Variants in HCN1 observed in about 807,000 individuals in gnomAD.
HCN1 encodes the protein hyperpolarization activated cyclic nucleotide gated potassium channel 1.
Under a neutral mutation model 78.9 loss-of-function variants are expected in HCN1, and 13 were observed. The ratio of observed to expected loss-of-function variants is 0.16; its 90% confidence interval spans 0.11 to 0.26. HCN1 has a LOEUF of 0.26. Ranked by LOEUF, HCN1 falls within the 10% of genes least tolerant of loss-of-function variation. The pLI, the probability that HCN1 is intolerant of heterozygous loss-of-function variation, is 1.00. For synonymous variants in HCN1, 552 were observed against 455.5 expected, an observed-to-expected ratio of 1.21 and a Z score of -2.70; for missense variants, 810 against 1,154.3, an observed-to-expected ratio of 0.70 and a Z score of 4.32.
intron 6 of HCN1, 130 bp from the exon 7 acceptor site, chr5:45,267,383 A>G: frequency 1.4e-6 from 1 of 708,836 alleles, no homozygotes; most frequent in Non-Finnish European, 2.4e-6. Context: ...TTTCTATTAT[A>G]TCAGCAAATT....
At chr5:45,531,767 C>G in intron 2 of HCN1, among the ~76,000 whole-genome samples, 1 of 151,958 alleles carries the variant, frequency 6.6e-6, no homozygotes, top group East Asian at 1.9e-4. Flanking sequence ...AGGCTTGGCA[C>G]GGTGGCTCAC....
chr5:45,312,096 G>A (rs1010133256), intron 5 of HCN1, among the ~76,000 whole-genome samples: 4 of 152,146 alleles, frequency 2.6e-5, no homozygotes, highest in Non-Finnish European at 4.4e-5. Flanking sequence ...AGATGTTTCT[G>A]GGATCCACCT....
In HCN1 at chr5:45,299,894, A is replaced by T. The variant is rs192871765; in HGVS notation, c.1618+3705T>A. On this transcript the variant is annotated intron_variant, in intron 6 of 7. Coordinates refer to ENST00000303230, the MANE Select transcript of HCN1 (RefSeq NM_021072.4). ...AACAACAACATTATAGACCAATCTC[A>T]CTCATGGACAGAGATGACACACTAT... Among the ~76,000 whole-genome samples, 281 of 152,004 alleles carry T rather than the reference A, an allele frequency of 1.8e-3. 2 individuals carry two copies. The highest frequency in any genetic ancestry group is 6.6e-3 in the African/African-American group (272 of 41,514).
chr5:45,634,853 G>C (rs910436499), intron 2 of HCN1, among the ~76,000 whole-genome samples: 15 of 152,016 alleles, frequency 9.9e-5, no homozygotes, highest in Non-Finnish European at 1.3e-4. Context: ...ACTGAAAGGA[G>C]TTGTTCTGAA....
intron 1 of HCN1, among the ~76,000 whole-genome samples, chr5:45,674,376 G>A (rs568520536): frequency 9.2e-5 from 14 of 151,628 alleles, no homozygotes; most frequent in Non-Finnish European, 1.9e-4. Context: ...AATAAAAAGA[G>A]GAAAACATTC....
intron 2 of HCN1, among the ~76,000 whole-genome samples, chr5:45,463,857 G>A (rs537070201): frequency 2.3e-4 from 35 of 152,086 alleles, no homozygotes; most frequent in Middle Eastern, 3.4e-3. Flanking sequence ...GCGTTTTGTT[G>A]GGAAATAGTG....
intron 5 of HCN1, among the ~76,000 whole-genome samples, chr5:45,330,051 TAG>T (rs1417101478): frequency 1.3e-5 from 2 of 151,462 alleles, no homozygotes; most frequent in African/African-American, 4.8e-5. Context: ...CACAATAATA[TAG>T]AGTGTGTCCA....
chr5:45,363,089 G>T (rs867309141), intron 4 of HCN1, among the ~76,000 whole-genome samples: 1 of 143,818 alleles, frequency 7.0e-6, no homozygotes, highest in Admixed American at 7.0e-5. Context: ...ACATATTTGT[G>T]ATCTGAATAT....
At chr5:45,549,695 T>C (rs1406981363) in intron 2 of HCN1, among the ~76,000 whole-genome samples, 1 of 152,016 alleles carries the variant, frequency 6.6e-6, no homozygotes, top group African/African-American at 2.4e-5. Context: ...GAAACTACCA[T>C]CAGAGTGAAC....
At chr5:45,638,525 G>A (rs1175272129) in intron 2 of HCN1, among the ~76,000 whole-genome samples, 1 of 152,142 alleles carries the variant, frequency 6.6e-6, no homozygotes, top group African/African-American at 2.4e-5. Context: ...CTGCCACGGG[G>A]CGCTGACCAA....
At chr5:45,679,061 AT>A (rs1739653796) in intron 1 of HCN1, among the ~76,000 whole-genome samples, 1 of 152,040 alleles carries the variant, frequency 6.6e-6, no homozygotes, top group Admixed American at 6.6e-5. Context: ...AAGTGTATAA[AT>A]TTAAAAGTCT....
At chr5:45,678,587 T>A (rs1382204338) in intron 1 of HCN1, among the ~76,000 whole-genome samples, 3 of 151,952 alleles carry the variant, frequency 2.0e-5, no homozygotes, top group African/African-American at 7.2e-5. Flanking sequence ...TCATCGTGAG[T>A]ACAGCTCTTC....
At chr5:45,577,726 T>A (rs980480014) in intron 2 of HCN1, among the ~76,000 whole-genome samples, 8 of 152,120 alleles carry the variant, frequency 5.3e-5, no homozygotes. Flanking sequence ...TAAGAACTTT[T>A]CTGACATTAT....
chr5:45,609,807 G>A (rs771850353), intron 2 of HCN1, among the ~76,000 whole-genome samples: 1 of 152,174 alleles, frequency 6.6e-6, no homozygotes, highest in African/African-American at 2.4e-5. Flanking sequence ...TGCAGGAGAA[G>A]CAAAGAGGAA....
rs989648019 is a variant in HCN1 at position 45,606,619 on chromosome 5, C to T, written c.849+38566G>A. ...CTCCAGCACATAAACCGGATTAAAACCCATCCCACAAAAGCACACCATCTA... is the reference window on the plus strand; with the variant it reads ...CTCCAGCACATAAACCGGATTAAAATCCATCCCACAAAAGCACACCATCTA... On this transcript the variant is annotated intron_variant, in intron 2 of 7. Coordinates refer to ENST00000303230, the MANE Select transcript of HCN1 (RefSeq NM_021072.4). 2.6e-5 allele frequency among the ~76,000 whole-genome samples: 4 copies of T among 151,890 alleles called. No individual in the cohort carries two copies. In the East Asian group the frequency reaches 7.7e-4, roughly 29 times the overall value.
chr5:45,278,751 A>G (rs191937139), intron 6 of HCN1, among the ~76,000 whole-genome samples: 14 of 152,264 alleles, frequency 9.2e-5, no homozygotes, highest in Admixed American at 6.6e-4. Flanking sequence ...TATATTTTAT[A>G]GAATGTTTTT....
chr5:45,403,281 C>T (rs536840702), intron 3 of HCN1, among the ~76,000 whole-genome samples: 2 of 152,254 alleles, frequency 1.3e-5, no homozygotes, highest in South Asian at 4.1e-4. Context: ...ATCCTAACCC[C>T]TCCTCCATCA....
chr5:45,262,782 C>T lies in HCN1; in HGVS notation c.1812G>A (p.Lys604=). The change falls in exon 8 of 8, where the codon AAG becomes AAA. Residue 604 remains lysine, a synonymous_variant. Transcript: ENST00000303230. ...CACCAGTGTTCAGATCCTTCTGGAACTTTTGCAGAAGAATTGAATTTTTCT... is the reference window on the plus strand; with the variant it reads ...CACCAGTGTTCAGATCCTTCTGGAATTTTTGCAGAAGAATTGAATTTTTCT... ...IGKKNSILLQ[K]FQKDLNTGVF... 2 of 1,614,068 alleles carry T rather than the reference C, an allele frequency of 1.2e-6. No individual in the cohort carries two copies. Among genetic ancestry groups the T allele is most frequent in the Non-Finnish European group, 1.7e-6 (2 of 1,180,016 alleles).
chr5:45,305,888 AGGT>A (rs916645944), intron 5 of HCN1, among the ~76,000 whole-genome samples: 28 of 151,620 alleles, frequency 1.8e-4, no homozygotes, highest in Non-Finnish European at 3.7e-4. Flanking sequence ...GAAGGAAGGA[AGGT>A]GGAGTCTCAG....
Sources: gnomAD v4.1 joint callset for allele counts (sites outside exome capture counted in the v4.1 genomes callset) on GRCh38, gnomAD v4.1.1 for gene constraint, MANE v1.5 for transcripts, NCBI Gene and HGNC (gene_info 2026-07-23, HGNC 2026-07-21) for gene names.